Variants in F8 observed in about 807,000 individuals in gnomAD.
F8 encodes the protein antihemophilic factor.
A neutral mutation model predicts 140.6 loss-of-function variants in F8; 12 were observed. That is an observed-to-expected ratio of 0.09 (90% CI 0.05 to 0.14). F8 has a LOEUF of 0.14. Ranked by LOEUF, F8 falls within the 10% of genes least tolerant of loss-of-function variation. The probability of loss-of-function intolerance (pLI) is 1.00; values close to 1 mark genes in which losing one functional copy is unlikely to be tolerated. For synonymous variants in F8, 585 were observed against 614.6 expected (o/e 0.95, Z 0.71); for missense variants, 1,354 against 1,720.7 (o/e 0.79, Z 3.77).
intron 18 of F8, 148 bp from the exon 19 acceptor site, chrX:154,902,315 C>CG: frequency 2.0e-6 from 1 of 499,013 alleles, no homozygotes. Flanking sequence ...GTGCTTGCTA[C>CG]GTGACCCTTA....
Position 154,836,323 on chromosome X carries a change from A to G in F8, c.*1274T>C, listed in dbSNP as rs1557270870. On this transcript the variant is annotated 3_prime_UTR_variant, in exon 26 of 26. Coordinates refer to ENST00000360256, the MANE Select transcript of F8 (RefSeq NM_000132.4). ...ATCCTTGTCTCCAGCCCCCTTTACT[A>G]TCAGGAGATTCTGTGTAGTCATAGT... The G allele has an allele frequency of 9.0e-6, 1 of 110,907 alleles. No homozygotes were observed. The highest frequency in any genetic ancestry group is 3.3e-5 in the African/African-American group (1 of 30,415). 9.1% of individuals were successfully genotyped at this position (110,907 alleles called of 1,213,427 possible).
At chrX:154,927,755 G>A (rs1159342530) in intron 14 of F8, among the ~76,000 whole-genome samples, 1 of 111,604 alleles carries the variant, frequency 9.0e-6, no homozygotes, top group Non-Finnish European at 1.9e-5. Flanking sequence ...GTCCCTTCTT[G>A]TTCCTCAAAC....
chrX:154,991,906 C>T (rs1224733481), intron 4 of F8, among the ~76,000 whole-genome samples: 1 of 111,771 alleles, frequency 8.9e-6, no homozygotes, highest in Non-Finnish European at 1.9e-5. Flanking sequence ...GGTGGAGTCT[C>T]CCTTTATAGA....
intron 24 of F8, 77 bp from the exon 25 acceptor site, chrX:154,860,685 T>C: frequency 1.0e-6 from 1 of 954,735 alleles, no homozygotes; most frequent in Non-Finnish European, 1.5e-6. Context: ...CTCTTAACCA[T>C]ACCACAGCAC....
At chrX:154,922,044 C>CA (rs1455594423) in intron 14 of F8, among the ~76,000 whole-genome samples, 3 of 111,768 alleles carry the variant, frequency 2.7e-5, no homozygotes, top group Non-Finnish European at 5.7e-5. Context: ...GAAACAAAAA[C>CA]AAAACAAAAC....
chrX:154,999,154 G>A (rs1311137214), intron 2 of F8, among the ~76,000 whole-genome samples: 2 of 110,850 alleles, frequency 1.8e-5, no homozygotes, highest in Admixed American at 9.7e-5. Context: ...TCGATAGGCT[G>A]ATATCTCTCT....
chrX:154,843,282 T>C (rs1557271460), intron 25 of F8, among the ~76,000 whole-genome samples: 2 of 112,140 alleles, frequency 1.8e-5, no homozygotes, highest in African/African-American at 6.5e-5. Context: ...TATAGCAGCA[T>C]GATTTATAAT....
chrX:154,845,768 A>C (rs2072560975), intron 25 of F8, among the ~76,000 whole-genome samples: 1 of 111,640 alleles, frequency 9.0e-6, no homozygotes, highest in African/African-American at 3.3e-5. Flanking sequence ...GATTTTTTAA[A>C]GGGTTTTTTG....
intron 12 of F8, among the ~76,000 whole-genome samples, chrX:154,952,300 A>G (rs1557280792): frequency 8.9e-6 from 1 of 111,899 alleles, no homozygotes; most frequent in South Asian, 3.7e-4. Flanking sequence ...TAAAAAATAA[A>G]AATGCAACTC....
At chrX:154,871,681 G>A (rs781859403) in intron 22 of F8, among the ~76,000 whole-genome samples, 9 of 111,987 alleles carry the variant, frequency 8.0e-5, no homozygotes, top group African/African-American at 1.6e-4. Flanking sequence ...GGCAACAAAA[G>A]CCAAAATTGA....
chrX:154,997,138 A>G, intron 2 of F8, 43 bp from the exon 3 acceptor site: 1 of 1,203,116 alleles, frequency 8.3e-7, no homozygotes, highest in Non-Finnish European at 1.1e-6. Flanking sequence ...TGGGGATAGT[A>G]CTCCAGAAAA....
intron 4 of F8, among the ~76,000 whole-genome samples, chrX:154,989,321 A>G (rs1433615442): frequency 1.8e-5 from 2 of 111,655 alleles, no homozygotes; most frequent in East Asian, 5.6e-4. Flanking sequence ...AAGCTCATGA[A>G]ACCCCATCAT....
Position 154,992,943 on chromosome X carries a change from A to G in F8, c.594T>C (p.Cys198=). Reference sequence around the variant, plus strand: ...ACGCTTTCATACACTTACCTTCTCTACATACTAGTAGGGCTCCAATGAGGC... The same window carrying G: ...ACGCTTTCATACACTTACCTTCTCTGCATACTAGTAGGGCTCCAATGAGGC... ...NSGLIGALLV[C]REGSLAKEKT... The change falls in exon 4 of 26, where the codon TGT becomes TGC. Residue 198 remains cysteine (C), a synonymous_variant. Transcript: ENST00000360256. 8.3e-7 allele frequency: 1 copy of G among 1,208,566 alleles called. No individual in the cohort carries two copies. Among genetic ancestry groups the G allele is most frequent in the Non-Finnish European group, 1.1e-6 (1 of 892,701 alleles).
chrX:154,857,134 T>C (rs782238644), intron 25 of F8, among the ~76,000 whole-genome samples: 26 of 112,075 alleles, frequency 2.3e-4, no homozygotes, highest in African/African-American at 7.8e-4. Flanking sequence ...ATAACTGTTC[T>C]CCTTTTGTGA....
chrX:154,926,533 G>A (rs2073161357), intron 14 of F8, among the ~76,000 whole-genome samples: 3 of 110,861 alleles, frequency 2.7e-5, no homozygotes, highest in African/African-American at 3.3e-5. Flanking sequence ...GCACCACCAC[G>A]CCTGGCTAAT....
At chrX:154,984,443 A>C (rs1388307201) in intron 6 of F8, among the ~76,000 whole-genome samples, 1 of 111,292 alleles carries the variant, frequency 9.0e-6, no homozygotes, top group South Asian at 3.8e-4. Context: ...TTGGTTGCCC[A>C]CTCACATTTA....
At chrX:154,954,084 G>C (rs781859341) in intron 11 of F8, 42 bp from the exon 12 acceptor site, 1 of 1,165,751 alleles carries the variant, frequency 8.6e-7, no homozygotes, top group South Asian at 1.8e-5. Context: ...AAATGCTACT[G>C]ATGTTGTCAG....
chrX:154,936,971 A>G (rs1260379370), intron 13 of F8, among the ~76,000 whole-genome samples: 1 of 111,990 alleles, frequency 8.9e-6, no homozygotes, highest in African/African-American at 3.2e-5. Flanking sequence ...CTGTAAAATA[A>G]CTATGAATAA....
At chrX:154,872,504 C>A (rs1447330969) in intron 22 of F8, among the ~76,000 whole-genome samples, 1 of 96,532 alleles carries the variant, frequency 1.0e-5, no homozygotes, top group South Asian at 5.2e-4. Context: ...ACAATGAGAA[C>A]ACATGGAAAC....
Sources: allele counts gnomAD v4.1 joint callset (sites outside exome capture counted in the v4.1 genomes callset), GRCh38; gene constraint gnomAD v4.1.1; transcripts MANE v1.5; gene names NCBI Gene and HGNC (gene_info 2026-07-23, HGNC 2026-07-21).